Variants in RIMS2 observed in about 807,000 individuals in gnomAD.
RIMS2 encodes the protein regulating synaptic membrane exocytosis protein 2.
RIMS2 carries 59 observed loss-of-function variants against 174.4 expected under a neutral mutation model. The ratio of observed to expected loss-of-function variants is 0.34; its 90% CI spans 0.27 to 0.42. The LOEUF (loss-of-function observed/expected upper bound fraction) is 0.42. Among genes scored for constraint, RIMS2 ranks in the 10% least tolerant of loss-of-function variants. The pLI, the probability that RIMS2 is intolerant of heterozygous loss-of-function variation, is 1.00. For missense variants in RIMS2, 1,620 were observed against 1,666.3 expected (o/e 0.97, Z 0.48); for synonymous variants, 606 against 572.5 (o/e 1.06, Z -0.84).
intron 2 of RIMS2, among the ~76,000 whole-genome samples, chr8:103,707,438 T>C (rs1407659293): frequency 6.6e-6 from 1 of 151,934 alleles, no homozygotes; most frequent in Non-Finnish European, 1.5e-5. Context: ...TTGTTAAGGG[T>C]ACTGAGTATT....
At chr8:104,172,693 A>G (rs1174821102) in intron 19 of RIMS2, among the ~76,000 whole-genome samples, 2 of 152,170 alleles carry the variant, frequency 1.3e-5, no homozygotes, top group African/African-American at 4.8e-5. Flanking sequence ...GGATATTCAA[A>G]CATTTATACC....
chr8:103,598,859 T>A (rs1396647241), intron 1 of RIMS2, among the ~76,000 whole-genome samples: 1 of 152,142 alleles, frequency 6.6e-6, no homozygotes, highest in Non-Finnish European at 1.5e-5. Context: ...AGTTCTATGA[T>A]CTGCTTCTGT....
chr8:103,793,635 C>T (rs2098522347), intron 3 of RIMS2, among the ~76,000 whole-genome samples: 1 of 152,168 alleles, frequency 6.6e-6, no homozygotes, highest in South Asian at 2.1e-4. Context: ...AATAGGAAGT[C>T]AAATTGTCCC....
chr8:103,773,908 G>A (rs971897281), intron 3 of RIMS2, among the ~76,000 whole-genome samples: 2 of 148,890 alleles, frequency 1.3e-5, no homozygotes, highest in Non-Finnish European at 3.0e-5. Context: ...GTGGGAGGCC[G>A]AGGCAGGCAG....
chr8:103,815,118 A>C (rs905717983), intron 3 of RIMS2, among the ~76,000 whole-genome samples: 8 of 152,176 alleles, frequency 5.3e-5, no homozygotes, highest in African/African-American at 1.9e-4. Flanking sequence ...TTACCCAGAG[A>C]TAATCAATAT....
At chr8:103,552,930 A>G (rs941048853) in intron 1 of RIMS2, among the ~76,000 whole-genome samples, 6 of 152,210 alleles carry the variant, frequency 3.9e-5, no homozygotes, top group Non-Finnish European at 7.4e-5. Flanking sequence ...GGCGATCATT[A>G]AAAAGTCAGG....
intron 10 of RIMS2, among the ~76,000 whole-genome samples, chr8:103,922,198 T>C (rs1051905983): frequency 6.6e-5 from 10 of 151,900 alleles, no homozygotes; most frequent in African/African-American, 2.4e-4. Context: ...TTTAAGGATA[T>C]TTGGTGTCAG....
rs913964424 is a variant in RIMS2, at chr8:104,251,007, G to A, written c.3692-17G>A. On this transcript the variant is annotated splice_polypyrimidine_tract_variant and intron_variant, in intron 22 of 23. Coordinates refer to ENST00000504942, the Ensembl canonical transcript of RIMS2. ...CATAGTTTATTGCTCATTCTCCTCTGTGTTTTCTTTCCCAAGCACCGTATG... is the reference window on the plus strand; with the variant it reads ...CATAGTTTATTGCTCATTCTCCTCTATGTTTTCTTTCCCAAGCACCGTATG... 1 of 1,608,052 alleles carries A rather than the reference G, an allele frequency of 6.2e-7. No individual in the cohort carries two copies. Among genetic ancestry groups the A allele is most frequent in the Non-Finnish European group, 8.5e-7 (1 of 1,175,870 alleles).
chr8:103,839,445 CT>C (rs569540505), intron 3 of RIMS2, among the ~76,000 whole-genome samples: 28 of 149,874 alleles, frequency 1.9e-4, no homozygotes, highest in Non-Finnish European at 3.1e-4. Context: ...GGAGAGTACT[CT>C]TTTTTTTTTC....
chr8:103,818,815 T>C (rs1034297547), intron 3 of RIMS2, among the ~76,000 whole-genome samples: 3 of 152,162 alleles, frequency 2.0e-5, no homozygotes, highest in Non-Finnish European at 4.4e-5. Flanking sequence ...CCTAAGTACA[T>C]GTTTTCCAAA....
At chr8:103,808,521 T>C (rs2098665542) in intron 3 of RIMS2, among the ~76,000 whole-genome samples, 1 of 152,162 alleles carries the variant, frequency 6.6e-6, no homozygotes, top group African/African-American at 2.4e-5. Flanking sequence ...CAGAGTGACA[T>C]ATTTAATTGC....
intron 17 of RIMS2, among the ~76,000 whole-genome samples, chr8:104,002,646 G>A (rs1005028589): frequency 6.6e-6 from 1 of 152,098 alleles, no homozygotes. Context: ...CTTCAGTTGG[G>A]CCATAGTTTG....
At chr8:104,066,069 T>G (rs1486002021) in intron 19 of RIMS2, among the ~76,000 whole-genome samples, 1 of 152,218 alleles carries the variant, frequency 6.6e-6, no homozygotes, top group Admixed American at 6.5e-5. Flanking sequence ...ACTCACTGCC[T>G]GTTTTGTAAA....
intron 1 of RIMS2, among the ~76,000 whole-genome samples, chr8:103,657,455 C>T (rs1018056720): frequency 1.3e-5 from 2 of 152,214 alleles, no homozygotes; most frequent in Middle Eastern, 3.4e-3. Context: ...TCTAGTAACA[C>T]CTACAGTTAG....
chr8:103,751,524 T>A, intron 2 of RIMS2, among the ~76,000 whole-genome samples: 1 of 151,744 alleles, frequency 6.6e-6, no homozygotes, highest in African/African-American at 2.4e-5. Context: ...ATCACCACAC[T>A]GACTTCTACA....
At chr8:103,783,089 C>T (rs546821384) in intron 3 of RIMS2, among the ~76,000 whole-genome samples, 1 of 152,226 alleles carries the variant, frequency 6.6e-6, no homozygotes, top group Admixed American at 6.5e-5. Context: ...TCATCTCACG[C>T]TCAGGGTCCT....
chr8:104,197,623 C>T (rs1447079), intron 19 of RIMS2, among the ~76,000 whole-genome samples: 23,675 of 152,082 alleles, frequency 0.16, 2,454 homozygotes, highest in Non-Finnish European at 0.23. Context: ...TACCCCAGAT[C>T]ACATGATCTT....
chr8:103,691,700 T>C (rs2097027483), intron 1 of RIMS2, among the ~76,000 whole-genome samples: 1 of 152,150 alleles, frequency 6.6e-6, no homozygotes, highest in Non-Finnish European at 1.5e-5. Flanking sequence ...CCTTACTTAG[T>C]TTGTTTGGTG....
At chr8:104,207,388 A>G (rs2099085338) in intron 19 of RIMS2, among the ~76,000 whole-genome samples, 1 of 152,220 alleles carries the variant, frequency 6.6e-6, no homozygotes, top group Admixed American at 6.5e-5. Flanking sequence ...GATGGAGTAG[A>G]ATAATAATAT....
Sources: allele counts gnomAD v4.1 joint callset (sites outside exome capture counted in the v4.1 genomes callset), GRCh38; gene constraint gnomAD v4.1.1; transcripts MANE v1.5; gene names NCBI Gene and HGNC (gene_info 2026-07-23, HGNC 2026-07-21).